The following GZMH variants were observed in gnomAD, a reference collection of about 807,000 sequenced individuals.
The protein encoded by GZMH is granzyme H.
GZMH carries 24 observed loss-of-function variants against 20.7 expected under a neutral mutation model. That is an observed-to-expected ratio of 1.16 (90% CI 0.84 to 1.63). The LOEUF is 1.63. Ranked by LOEUF, GZMH falls within the 40% of genes most tolerant of loss-of-function variation. The pLI is 0.00. For synonymous variants in GZMH, 119 were observed against 116.1 expected (o/e 1.02, Z -0.16); for missense variants, 344 against 302.7 (o/e 1.14, Z -1.01).
At chr14:24,609,476 A>G in intron 1 of GZMH, 83 bp downstream of exon 1, 1 of 833,016 alleles carries the variant, frequency 1.2e-6, no homozygotes, top group Admixed American at 2.6e-5. Context: ...GCTCAGATTG[A>G]GGAAAATTCC....
intron 1 of GZMH, among the ~76,000 whole-genome samples, chr14:24,609,062 C>T (rs762438509): frequency 6.6e-6 from 1 of 152,154 alleles, no homozygotes; most frequent in Non-Finnish European, 1.5e-5. Context: ...AATCGCAAAG[C>T]CCAGGTGGAG....
chr14:24,607,341 C>G lies in GZMH; in HGVS notation c.405G>C (p.Gln135His). ...RPLRLPSSKA[Q>H]VKPGQLCSVA... ...CACTGCACAGCTGCCCTGGCTTCACCTGGGCCTTGCTGCTAGGTAGCCTGA... is the reference window on the plus strand; with the variant it reads ...CACTGCACAGCTGCCCTGGCTTCACGTGGGCCTTGCTGCTAGGTAGCCTGA... Residue 135 changes from glutamine to histidine, a missense_variant, in exon 4 of 5, where the codon CAG (glutamine) becomes CAC (histidine). Physicochemically the swap from Gln to His is conservative, Grantham distance 24. Transcript: ENST00000216338. 1 of 1,612,100 alleles carries G rather than the reference C, an allele frequency of 6.2e-7. No individual in the cohort carries two copies. Among genetic ancestry groups the G allele is most frequent in the Non-Finnish European group, 8.5e-7 (1 of 1,178,502 alleles).
chr14:24,607,459 C>A, intron 3 of GZMH, 53 bp from the exon 4 acceptor site: 1 of 1,574,818 alleles, frequency 6.3e-7, no homozygotes, highest in Non-Finnish European at 8.6e-7. Context: ...TTCTGGGCCC[C>A]GACACAGTGA....
At chr14:24,608,215 A>C (rs376357799) in intron 2 of GZMH, 50 bp downstream of exon 2, 4 of 1,604,480 alleles carry the variant, frequency 2.5e-6, no homozygotes, top group Non-Finnish European at 3.4e-6. Context: ...AGGAGAAAAC[A>C]AGGGTCCCTG....
Position 24,609,488 on chromosome 14 carries a change from G to T in GZMH, c.55+71C>A. ...TGGGCTCAGATTGAGGAAAATTCCT[G>T]ACCAGTGCTCATGGGTACAGGGTAT... is the stretch of plus-strand genomic sequence containing the variant. On this transcript the variant is annotated intron_variant, in intron 1 of 4. Coordinates refer to ENST00000216338, the MANE Select transcript of GZMH (RefSeq NM_033423.5). The T allele has an allele frequency of 1.1e-5, 11 of 983,772 alleles. No homozygotes were observed. The South Asian group carries it at 2.0e-4, about 18-fold the overall frequency. 60.9% of individuals were successfully genotyped at this position (983,772 alleles called of 1,614,324 possible). A position where few individuals can be genotyped will look rare whatever the true frequency, so the allele number is the denominator to read the frequency against.
Position 24,607,424 on chromosome 14 carries a change from A to C in GZMH, c.340-18T>G, listed in dbSNP as rs1489530903. On this transcript the variant is annotated intron_variant, in intron 3 of 4. Coordinates refer to ENST00000216338, the MANE Select transcript of GZMH (RefSeq NM_033423.5). ...CTCTCCAGCTGGTGGGGAAGAAGCA[A>C]GAAAGTCCAGGTCAGGCAATGGCCT... is the stretch of plus-strand genomic sequence containing the variant. 6.3e-7 allele frequency: 1 copy of C among 1,583,464 alleles called. No individual in the cohort carries two copies. Among genetic ancestry groups the C allele is most frequent in the African/African-American group, 1.3e-5 (1 of 74,496 alleles).
chr14:24,606,696 G>T lies in GZMH; in HGVS notation c.648C>A (p.Leu216=), dbSNP rs944991284. The change falls in exon 5 of 5, where the codon CTC becomes CTA. Residue 216 remains leucine, a synonymous_variant. Coordinates refer to ENST00000216338, the MANE Select transcript of GZMH (RefSeq NM_033423.5). ...LVCKDVAQGI[L]SYGNKKGTPP... Reference sequence around the variant, plus strand: ...GTGTCCCTTTTTTGTTTCCATAGGAGAGAATACCTTGGGCTACGTCCTTAC... The same window carrying T: ...GTGTCCCTTTTTTGTTTCCATAGGATAGAATACCTTGGGCTACGTCCTTAC... The T allele has an allele frequency of 1.2e-6, 2 of 1,613,620 alleles. No individual in the cohort carries two copies. Among genetic ancestry groups the T allele is most frequent in the African/African-American group, 1.3e-5 (1 of 74,902 alleles).
intron 1 of GZMH, 94 bp from the exon 2 acceptor site, chr14:24,608,506 T>A: frequency 7.1e-7 from 1 of 1,402,718 alleles, no homozygotes; most frequent in African/African-American, 1.4e-5. Flanking sequence ...AAGTGTTTTG[T>A]GTGCTGCAGA....
In GZMH at chr14:24,606,499, C is replaced by G; in HGVS notation, c.*104G>C. 1.1e-6 allele frequency: 1 copy of G among 918,818 alleles called. No homozygotes were observed. The highest frequency in any genetic ancestry group is 1.7e-6 in the Non-Finnish European group (1 of 591,754). The allele number at this position is 918,818 out of a possible 1,614,324, so 56.9% of individuals were successfully genotyped here. On this transcript the variant is annotated 3_prime_UTR_variant, in exon 5 of 5. Transcript: ENST00000216338. ...CTTCAGTCATATTTACACCAGAGAT[C>G]CATTTATTACAGTCCTGCAACCCCG...
rs753943775 is a variant in GZMH at position 24,607,763 on chromosome 14, A to G, written c.204-16T>C. 17 of 1,613,972 alleles carry G rather than the reference A, an allele frequency of 1.1e-5. No homozygotes were observed. The highest frequency in any genetic ancestry group is 3.3e-5 in the South Asian group (3 of 91,080). On this transcript the variant is annotated splice_polypyrimidine_tract_variant and intron_variant, in intron 2 of 4. Coordinates refer to ENST00000216338, the MANE Select transcript of GZMH (RefSeq NM_033423.5). ...ATTTATGGAGCTGCACAGAGAGCAG[A>G]GTGAGGATGGGGGTGGAGTCACAGG...
intron 1 of GZMH, 93 bp from the exon 2 acceptor site, chr14:24,608,505 G>T: frequency 7.1e-7 from 1 of 1,399,478 alleles, no homozygotes; most frequent in Non-Finnish European, 1.0e-6. Flanking sequence ...GAAGTGTTTT[G>T]TGTGCTGCAG....
chr14:24,609,582 A>T lies in GZMH; in HGVS notation c.32T>A (p.Leu11His). The T allele has an allele frequency of 6.2e-7, 1 of 1,611,514 alleles. No individual in the cohort carries two copies. Among genetic ancestry groups the T allele is most frequent in the Non-Finnish European group, 8.5e-7 (1 of 1,178,792 alleles). ...ACCTGTCCCAGCCCCAGGGGTCAGA[A>T]GAAAGGCCAACAGGAGGAGGAATGG... MQPFLLLLAF[L>H]LTPGAGTEEI... Residue 11 changes from leucine to histidine, a missense_variant, in exon 1 of 5, where the codon CTT (leucine) becomes CAT (histidine). By Grantham distance (99) the Leu-to-His change is moderately conservative. Transcript: ENST00000216338.
Position 24,608,273 on chromosome 14 carries a change from G to A in GZMH, c.195C>T (p.Cys65=), listed in dbSNP as rs1406523808. The stretch of plus-strand genomic sequence containing the variant: ...CTGGTGCTGCTCCTTACCTTCCCTG[G>A]CAGTGAGCAGCTGTCAGCACAAAGT... ...RKDFVLTAAH[C]QGSSINVTLG... Residue 65 remains cysteine (C), a synonymous_variant, in exon 2 of 5, where the codon TGC becomes TGT. Transcript: ENST00000216338. 3 of 1,613,976 alleles carry A rather than the reference G, an allele frequency of 1.9e-6. No individual in the cohort carries two copies. The highest frequency in any genetic ancestry group is 2.2e-5 in the East Asian group (1 of 44,886).
intron 1 of GZMH, 22 bp downstream of exon 1, chr14:24,609,537 T>C: frequency 1.3e-6 from 2 of 1,573,398 alleles, no homozygotes; most frequent in Middle Eastern, 1.7e-4. Flanking sequence ...TTCAGGCCTC[T>C]GGAATAGGGA....
chr14:24,607,512 G>C (rs1406582160), intron 3 of GZMH, 100 bp downstream of exon 3: 4 of 1,602,532 alleles, frequency 2.5e-6, no homozygotes, highest in Non-Finnish European at 3.4e-6. Context: ...CACAGGAACT[G>C]ACCAAGAGGT....
rs1172491265 is a variant in GZMH at position 24,606,694 on chromosome 14, G to A, written c.650C>T (p.Ser217Phe). 4 of 1,613,660 alleles carry A rather than the reference G, an allele frequency of 2.5e-6. No individual in the cohort carries two copies. In the South Asian group the frequency reaches 3.3e-5, roughly 13 times the overall value. ...AGGTGTCCCTTTTTTGTTTCCATAG[G>A]AGAGAATACCTTGGGCTACGTCCTT... Reference protein sequence around the residue: ...VCKDVAQGILSYGNKKGTPPG... With the variant: ...VCKDVAQGILFYGNKKGTPPG... The change falls in exon 5 of 5, where the codon TCC (serine) becomes TTC (phenylalanine). Residue 217 changes from serine (S) to phenylalanine (F), a missense_variant. Ser to Phe is a radical substitution (Grantham distance 155, BLOSUM62 -2). Coordinates refer to ENST00000216338, the MANE Select transcript of GZMH (RefSeq NM_033423.5).
chr14:24,607,784 A>G, intron 2 of GZMH, 37 bp from the exon 3 acceptor site: 1 of 1,614,016 alleles, frequency 6.2e-7, no homozygotes, highest in Non-Finnish European at 8.5e-7. Flanking sequence ...GGGTGGAGTC[A>G]CAGGGGATAG....
chr14:24,608,838 C>T (rs2066891545), intron 1 of GZMH, among the ~76,000 whole-genome samples: 1 of 152,202 alleles, frequency 6.6e-6, no homozygotes, highest in Non-Finnish European at 1.5e-5. Context: ...TTCTAAAATT[C>T]TCATGTGCCA....
intron 2 of GZMH, 113 bp from the exon 3 acceptor site, chr14:24,607,860 G>A: frequency 6.6e-7 from 1 of 1,508,726 alleles, no homozygotes; most frequent in Middle Eastern, 1.8e-4. Context: ...AGGGGAAGTT[G>A]AAGGGACAGG....
Sources: allele counts gnomAD v4.1 joint callset (sites outside exome capture counted in the v4.1 genomes callset), GRCh38; gene constraint gnomAD v4.1.1; transcripts MANE v1.5; gene names NCBI Gene and HGNC (gene_info 2026-07-23, HGNC 2026-07-21).